Variants in ADAM23 observed in about 807,000 individuals in gnomAD.
ADAM23 encodes disintegrin and metalloproteinase domain-containing protein 23.
In ADAM23, 33 loss-of-function variants were observed where a neutral mutation model predicts 120.1. The ratio of observed to expected loss-of-function variants is 0.27; its 90% confidence interval spans 0.21 to 0.37. The LOEUF (loss-of-function observed/expected upper bound fraction) is 0.37, where lower values mean the gene tolerates loss of function less well. Among genes scored for constraint, ADAM23 ranks in the 10% least tolerant of loss-of-function variants. The probability of loss-of-function intolerance (pLI) is 1.00; values close to 1 mark genes in which losing one functional copy is unlikely to be tolerated. For missense variants in ADAM23, 862 were observed against 1,058.2 expected (o/e 0.81, Z 2.57); for synonymous variants, 367 against 375.2 (o/e 0.98, Z 0.25).
At chr2:206,595,749 A>T (rs1483762408) in intron 23 of ADAM23, among the ~76,000 whole-genome samples, 1 of 152,222 alleles carries the variant, frequency 6.6e-6, no homozygotes, top group Non-Finnish European at 1.5e-5. Context: ...TAATATCATG[A>T]TTCAATTTAA....
chr2:206,616,201 A>G (rs1385809241), intron 25 of ADAM23, among the ~76,000 whole-genome samples: 2 of 152,178 alleles, frequency 1.3e-5, no homozygotes, highest in Non-Finnish European at 2.9e-5. Flanking sequence ...CTCTGCAGCA[A>G]ACTAACTTGG....
Position 206,530,806 on chromosome 2 carries a change from G to A in ADAM23, c.510-79G>A, listed in dbSNP as rs139155958. 2.8e-5 allele frequency: 35 copies of A among 1,269,134 alleles called. No individual in the cohort carries two copies. In the East Asian group the frequency reaches 3.2e-4, roughly 12 times the overall value. 78.6% of individuals were successfully genotyped at this position (1,269,134 alleles called of 1,614,324 possible). On this transcript the variant is annotated intron_variant, in intron 3 of 25. Coordinates refer to ENST00000264377, the MANE Select transcript of ADAM23 (RefSeq NM_003812.4). ...TATTTCTGGTTTGCATGCCCCTCAC[G>A]TTCATTTATTGAGCCGATTGTTTTT...
chr2:206,604,688 A>T (rs917221917), intron 24 of ADAM23, among the ~76,000 whole-genome samples: 1 of 152,204 alleles, frequency 6.6e-6, no homozygotes. Context: ...GAAATCCAAG[A>T]TTCTTTCTCT....
At chr2:206,567,402 G>A (rs561271076) in intron 15 of ADAM23, 80 bp downstream of exon 15, 25 of 1,124,926 alleles carry the variant, frequency 2.2e-5, no homozygotes, top group East Asian at 7.2e-5. Flanking sequence ...GATATCAGAC[G>A]CCTGTCTTGG....
chr2:206,509,445 C>T (rs1325697481), intron 3 of ADAM23, among the ~76,000 whole-genome samples: 1 of 151,770 alleles, frequency 6.6e-6, no homozygotes, highest in Non-Finnish European at 1.5e-5. Flanking sequence ...TTTGTATTTT[C>T]TTTTTTCTTT....
rs1697850670 is a variant in ADAM23, at chr2:206,565,072, A to G, written c.1394+4A>G. ...GCTGCATCATGGAGGAAACAGGGTAAATTTTCATTATGCGTGCATTTGATA... is the reference window on the plus strand; with the variant it reads ...GCTGCATCATGGAGGAAACAGGGTAGATTTTCATTATGCGTGCATTTGATA... On this transcript the variant is annotated splice_donor_region_variant and intron_variant, in intron 14 of 25. Coordinates refer to ENST00000264377, the MANE Select transcript of ADAM23 (RefSeq NM_003812.4). 1 of 1,613,860 alleles carries G rather than the reference A, an allele frequency of 6.2e-7. No individual in the cohort carries two copies. The highest frequency in any genetic ancestry group is 8.5e-7 in the Non-Finnish European group (1 of 1,179,916).
intron 18 of ADAM23, 121 bp downstream of exon 18, chr2:206,573,316 A>C (rs542673889): frequency 1.1e-6 from 1 of 920,132 alleles, no homozygotes; most frequent in African/African-American, 1.6e-5. Flanking sequence ...GAATATTTGC[A>C]TATTCATAAT....
intron 25 of ADAM23, among the ~76,000 whole-genome samples, chr2:206,615,645 T>G (rs778044723): frequency 1.6e-4 from 25 of 152,176 alleles, no homozygotes; most frequent in Admixed American, 7.9e-4. Flanking sequence ...AATGCCCCAT[T>G]GGTGTTCAGA....
At chr2:206,487,320 T>C (rs1056305040) in intron 3 of ADAM23, among the ~76,000 whole-genome samples, 1 of 152,178 alleles carries the variant, frequency 6.6e-6, no homozygotes, top group African/African-American at 2.4e-5. Context: ...GTCAGTCTTT[T>C]TCTGACTTTA....
chr2:206,530,144 A>G (rs988182238), intron 3 of ADAM23, among the ~76,000 whole-genome samples: 1 of 152,212 alleles, frequency 6.6e-6, no homozygotes, highest in Admixed American at 6.5e-5. Context: ...GAAAAAAATC[A>G]AAAGAAGGAT....
chr2:206,573,965 CTT>C (rs1329999427), intron 18 of ADAM23, among the ~76,000 whole-genome samples: 3 of 152,034 alleles, frequency 2.0e-5, no homozygotes, highest in Admixed American at 6.5e-5. Context: ...AGAAGTCTCT[CTT>C]TGATTTTATT....
intron 3 of ADAM23, among the ~76,000 whole-genome samples, chr2:206,501,607 C>G (rs1345649735): frequency 6.9e-6 from 1 of 145,018 alleles, no homozygotes; most frequent in African/African-American, 2.9e-5. Flanking sequence ...ATGAAAAATA[C>G]TATATTTTAA....
chr2:206,457,393 A>G (rs1695321464), intron 2 of ADAM23, among the ~76,000 whole-genome samples: 1 of 152,210 alleles, frequency 6.6e-6, no homozygotes, highest in African/African-American at 2.4e-5. Context: ...ACTGTGGTTT[A>G]TAGACTTCCA....
chr2:206,481,224 A>T lies in ADAM23; in HGVS notation c.433-8A>T, dbSNP rs778788344. Reference sequence around the variant, plus strand: ...AGTTAAGGTTCTTCTGTCTTTTTGAATCCATAGGCTGTCCATCTGGCCCAG... The same window carrying T: ...AGTTAAGGTTCTTCTGTCTTTTTGATTCCATAGGCTGTCCATCTGGCCCAG... On this transcript the variant is annotated splice_polypyrimidine_tract_variant and splice_region_variant and intron_variant, in intron 2 of 25. Coordinates refer to ENST00000264377, the MANE Select transcript of ADAM23 (RefSeq NM_003812.4). 5 of 1,599,468 alleles carry T rather than the reference A, an allele frequency of 3.1e-6. No homozygotes were observed. The African/African-American group carries it at 6.8e-5, about 22-fold the overall frequency.
At chr2:206,607,976 C>A (rs745868597) in intron 24 of ADAM23, 5 of 450,658 alleles carry the variant, frequency 1.1e-5, no homozygotes, top group Admixed American at 4.8e-5. Flanking sequence ...CTGAAGCGGA[C>A]GAAGTGCAAA....
intron 2 of ADAM23, among the ~76,000 whole-genome samples, chr2:206,469,115 T>A (rs938145571): frequency 6.6e-6 from 1 of 152,178 alleles, no homozygotes; most frequent in East Asian, 1.9e-4. Context: ...GGGATTACAA[T>A]TGAACATGAG....
At chr2:206,550,844 G>A (rs942688272) in intron 9 of ADAM23, among the ~76,000 whole-genome samples, 8 of 152,100 alleles carry the variant, frequency 5.3e-5, no homozygotes, top group East Asian at 1.9e-4. Context: ...CTCGTGATCC[G>A]CCTGCCTCGG....
At chr2:206,516,718 T>C (rs1304383844) in intron 3 of ADAM23, among the ~76,000 whole-genome samples, 1 of 152,082 alleles carries the variant, frequency 6.6e-6, no homozygotes, top group Non-Finnish European at 1.5e-5. Context: ...AATATATGAA[T>C]TTTGGGAGGG....
At chr2:206,489,593 G>A (rs10178671) in intron 3 of ADAM23, among the ~76,000 whole-genome samples, 2,579 of 152,280 alleles carry the variant, frequency 0.017, 34 homozygotes, top group African/African-American at 0.025. Context: ...TAGACACTGT[G>A]CCAAGCCCTA....
Sources: gnomAD v4.1 joint callset for allele counts (sites outside exome capture counted in the v4.1 genomes callset) on GRCh38, gnomAD v4.1.1 for gene constraint, MANE v1.5 for transcripts, NCBI Gene and HGNC (gene_info 2026-07-23, HGNC 2026-07-21) for gene names.